ADGRL2: variants seen among roughly 807,000 people sequenced by gnomAD.
The protein encoded by ADGRL2 is adhesion G protein-coupled receptor L2, also known as calcium-independent alpha-latrotoxin receptor 2.
Under a neutral mutation model 157.4 loss-of-function variants are expected in ADGRL2, and 44 were observed. That is an observed-to-expected ratio of 0.28 (90% confidence interval 0.22 to 0.36). The LOEUF is 0.36. ADGRL2 is among the 10% of genes least tolerant of loss of function. The pLI is 1.00. For synonymous variants in ADGRL2, 585 were observed against 624.7 expected, an observed-to-expected ratio of 0.94 and a Z score of 0.95; for missense variants, 1,510 against 1,768.9, an observed-to-expected ratio of 0.85 and a Z score of 2.63.
intron 3 of ADGRL2, among the ~76,000 whole-genome samples, chr1:81,620,241 T>C (rs2081760756): frequency 6.6e-6 from 1 of 152,122 alleles, no homozygotes; most frequent in Non-Finnish European, 1.5e-5. Context: ...GTACAGTAGG[T>C]ACATCTCACA....
At chr1:81,778,576 T>G (rs2149372733) in intron 2 of ADGRL2, among the ~76,000 whole-genome samples, 1 of 152,274 alleles carries the variant, frequency 6.6e-6, no homozygotes, top group South Asian at 2.1e-4. Flanking sequence ...ATAATAAATA[T>G]TATATAAGCT....
In ADGRL2 at chr1:81,433,867, G is replaced by A. The variant is rs138220041; in HGVS notation, c.-301-11169G>A. ...GAACTGAAGTCATGTAAAGGCTTCA[G>A]GGGACTGGCCCCACAATATGATTCA... On this transcript the variant is annotated intron_variant, in intron 1 of 24. Coordinates refer to the ADGRL2 transcript ENST00000370721. Among the ~76,000 whole-genome samples the A allele has an allele frequency of 1.4e-3, 220 of 152,232 alleles. 2 individuals are homozygous for A. Among genetic ancestry groups the A allele is most frequent in the African/African-American group, 5.0e-3 (209 of 41,516 alleles).
rs141992140 is a variant in ADGRL2 at position 81,829,131 on chromosome 1, C to T, written c.-100-7754C>T. 3.9e-4 allele frequency among the ~76,000 whole-genome samples: 60 copies of T among 152,150 alleles called. No individual in the cohort carries two copies. The East Asian group carries it at 7.0e-3, about 18-fold the overall frequency. Reference sequence around the variant, plus strand: ...TTCACCGCATTGGCCAAGCTGGTCTCGAACTCCTGACCTCAGGCAATCCAC... The same window carrying T: ...TTCACCGCATTGGCCAAGCTGGTCTTGAACTCCTGACCTCAGGCAATCCAC... On this transcript the variant is annotated intron_variant, in intron 1 of 23. Coordinates refer to ENST00000686636, the MANE Select transcript of ADGRL2 (RefSeq NM_001366006.2).
chr1:81,434,544 CT>C (rs1282363292), intron 1 of ADGRL2, among the ~76,000 whole-genome samples: 1 of 151,904 alleles, frequency 6.6e-6, no homozygotes, highest in Admixed American at 6.6e-5. Context: ...AATGAGTGAA[CT>C]AGTGAATAAG....
intron 2 of ADGRL2, among the ~76,000 whole-genome samples, chr1:81,868,880 G>T (rs1223133872): frequency 1.3e-5 from 2 of 152,192 alleles, no homozygotes; most frequent in East Asian, 1.9e-4. Flanking sequence ...TCACAGGTAG[G>T]ATACTGTCCG....
intron 2 of ADGRL2, among the ~76,000 whole-genome samples, chr1:81,524,485 A>C (rs2079404565): frequency 6.6e-6 from 1 of 152,242 alleles, no homozygotes; most frequent in South Asian, 2.1e-4. Context: ...AAAACTACAT[A>C]TATATAGGAT....
chr1:81,320,559 T>C (rs1450767370), intron 1 of ADGRL2, among the ~76,000 whole-genome samples: 1 of 152,238 alleles, frequency 6.6e-6, no homozygotes, highest in Non-Finnish European at 1.5e-5. Flanking sequence ...GATGTTGTGT[T>C]AGCAGACAGA....
chr1:81,666,866 A>T (rs535978291), intron 3 of ADGRL2, among the ~76,000 whole-genome samples: 2 of 152,192 alleles, frequency 1.3e-5, no homozygotes, highest in South Asian at 2.1e-4. Context: ...AATGCTAGGG[A>T]TTGGATTTGA....
chr1:81,532,618 T>G (rs1349325595), intron 2 of ADGRL2, among the ~76,000 whole-genome samples: 1 of 143,856 alleles, frequency 7.0e-6, no homozygotes, highest in Non-Finnish European at 1.5e-5. Context: ...AAAAAAGCCA[T>G]GAACACCAAT....
At chr1:81,686,033 T>C (rs144458264) in intron 3 of ADGRL2, among the ~76,000 whole-genome samples, 2,687 of 152,334 alleles carry the variant, frequency 0.018, 33 homozygotes, top group South Asian at 0.054. Context: ...TTGGATTTGG[T>C]TAGCTAGTAT....
At chr1:81,498,451 A>T (rs184423282) in intron 2 of ADGRL2, among the ~76,000 whole-genome samples, 59 of 152,310 alleles carry the variant, frequency 3.9e-4, no homozygotes, top group Admixed American at 3.4e-3. Context: ...TCAAGGCTTA[A>T]TCAGAAGAGG....
At chr1:81,495,865 C>T (rs189325273) in intron 2 of ADGRL2, among the ~76,000 whole-genome samples, 5 of 152,204 alleles carry the variant, frequency 3.3e-5, no homozygotes, top group African/African-American at 9.6e-5. Context: ...TCATTGTTCT[C>T]CTGTACAGTT....
At chr1:81,393,984 T>C (rs1272953292) in intron 1 of ADGRL2, among the ~76,000 whole-genome samples, 1 of 151,966 alleles carries the variant, frequency 6.6e-6, no homozygotes, top group Non-Finnish European at 1.5e-5. Flanking sequence ...TCAGGGAAAA[T>C]ATAAAACATT....
chr1:81,900,262 G>A (rs1019061900), intron 2 of ADGRL2, among the ~76,000 whole-genome samples: 1 of 152,098 alleles, frequency 6.6e-6, no homozygotes, highest in African/African-American at 2.4e-5. Context: ...TTGGGAGCTG[G>A]AAAGTAACCA....
At chr1:81,858,800 A>G (rs1424632362) in intron 2 of ADGRL2, among the ~76,000 whole-genome samples, 3 of 152,028 alleles carry the variant, frequency 2.0e-5, no homozygotes, top group East Asian at 3.9e-4. Flanking sequence ...CATATTTACC[A>G]TTTTTTCCCG....
intron 4 of ADGRL2, among the ~76,000 whole-genome samples, chr1:81,939,322 A>G (rs1051430379): frequency 6.6e-5 from 10 of 151,564 alleles, no homozygotes; most frequent in African/African-American, 2.4e-4. Context: ...GGAATTGCAT[A>G]TATTTATATT....
intron 3 of ADGRL2, among the ~76,000 whole-genome samples, chr1:81,617,795 G>A (rs1040302763): frequency 1.3e-5 from 2 of 152,128 alleles, no homozygotes; most frequent in African/African-American, 2.4e-5. Flanking sequence ...AATATTCCCC[G>A]TGGAATTACC....
At chr1:81,956,128 A>T in intron 11 of ADGRL2, 68 bp downstream of exon 11, 5 of 1,190,314 alleles carry the variant, frequency 4.2e-6, no homozygotes, top group Non-Finnish European at 5.8e-6. Context: ...TGATGTTTCC[A>T]TTCTGTATCT....
At chr1:81,599,842 A>G (rs1557495278) in intron 3 of ADGRL2, among the ~76,000 whole-genome samples, 1 of 152,166 alleles carries the variant, frequency 6.6e-6, no homozygotes, top group East Asian at 1.9e-4. Flanking sequence ...GATGTAATCT[A>G]AAATAACACA....
Sources: gnomAD v4.1 joint callset for allele counts (sites outside exome capture counted in the v4.1 genomes callset) on GRCh38, gnomAD v4.1.1 for gene constraint, MANE v1.5 for transcripts, NCBI Gene and HGNC (gene_info 2026-07-23, HGNC 2026-07-21) for gene names.